The following RORA variants were observed in gnomAD, a reference collection of about 807,000 sequenced individuals.
RORA encodes the protein nuclear receptor ROR-alpha.
RORA carries 7 observed loss-of-function variants against 69.5 expected under a neutral mutation model. The ratio of observed to expected loss-of-function variants is 0.10; its 90% CI spans 0.06 to 0.19. The LOEUF is 0.19. RORA is among the 10% of genes least tolerant of loss of function. The pLI, the probability that RORA is intolerant of heterozygous loss-of-function variation, is 1.00. For synonymous variants in RORA, 261 were observed against 240.8 expected, an observed-to-expected ratio of 1.08 and a Z score of -0.78; for missense variants, 457 against 663.0, an observed-to-expected ratio of 0.69 and a Z score of 3.41.
chr15:61,097,011 G>C (rs940574469), intron 1 of RORA, among the ~76,000 whole-genome samples: 1 of 152,212 alleles, frequency 6.6e-6, no homozygotes, highest in African/African-American at 2.4e-5. Context: ...AGTAACACAA[G>C]GTCTTGGCAT....
chr15:60,788,945 T>C (rs1445681290), intron 1 of RORA, among the ~76,000 whole-genome samples: 3 of 152,238 alleles, frequency 2.0e-5, no homozygotes, highest in East Asian at 1.9e-4. Flanking sequence ...CAAAGCTATC[T>C]ATGCTTGGTT....
chr15:60,511,941 A>C lies in RORA; in HGVS notation c.425-320T>G. 1 of 272,264 alleles carries C rather than the reference A, an allele frequency of 3.7e-6. No individual in the cohort carries two copies. The highest frequency in any genetic ancestry group is 7.0e-6 in the Non-Finnish European group (1 of 142,480). 16.9% of individuals were successfully genotyped at this position (272,264 alleles called of 1,614,324 possible). ...TCCACTGCGCCCCACTGATAACTTA[A>C]TGGGCTTGTTCACTCTCCCCCCGTG... On this transcript the variant is annotated intron_variant, in intron 4 of 10. Transcript: ENST00000335670. The surrounding 1 kb of genome is among the most constrained non-coding windows in gnomAD (Gnocchi z 6.4).
chr15:60,860,370 G>A (rs763473705), intron 1 of RORA, among the ~76,000 whole-genome samples: 2 of 152,120 alleles, frequency 1.3e-5, no homozygotes, highest in Admixed American at 1.3e-4. Flanking sequence ...CAAAAGTTGC[G>A]AGAAACTTGA....
At chr15:60,939,361 A>G (rs1034090384) in intron 1 of RORA, among the ~76,000 whole-genome samples, 1 of 152,072 alleles carries the variant, frequency 6.6e-6, no homozygotes, top group Admixed American at 6.5e-5. Flanking sequence ...GCTGGAGAGG[A>G]GGGGCATGCA....
At chr15:60,696,255 C>T (rs368581254) in intron 1 of RORA, among the ~76,000 whole-genome samples, 2 of 152,242 alleles carry the variant, frequency 1.3e-5, no homozygotes, top group East Asian at 3.9e-4. Context: ...CAAGTACAGC[C>T]ACGGAGCCGA....
At chr15:60,736,484 G>A (rs534094254) in intron 1 of RORA, among the ~76,000 whole-genome samples, 2 of 152,260 alleles carry the variant, frequency 1.3e-5, no homozygotes, top group South Asian at 4.1e-4. Context: ...TTTTGGCCTT[G>A]TCCTCTCAGT....
intron 2 of RORA, among the ~76,000 whole-genome samples, chr15:60,624,024 A>G (rs1160461592): frequency 1.4e-5 from 2 of 140,306 alleles, no homozygotes; most frequent in East Asian, 5.1e-4. Flanking sequence ...GCAGGTGGAG[A>G]GTAGGGGGTG....
intron 2 of RORA, among the ~76,000 whole-genome samples, chr15:60,619,398 A>T (rs2069344195): frequency 6.6e-6 from 1 of 152,220 alleles, no homozygotes; most frequent in Non-Finnish European, 1.5e-5. Flanking sequence ...TGGGGCTACA[A>T]ATATGGCAAC....
At chr15:60,632,573 G>A (rs1275216051) in intron 2 of RORA, among the ~76,000 whole-genome samples, 1 of 152,106 alleles carries the variant, frequency 6.6e-6, no homozygotes, top group Non-Finnish European at 1.5e-5. Context: ...CATCGACACT[G>A]AGTCCATTAA....
intron 1 of RORA, among the ~76,000 whole-genome samples, chr15:60,735,529 A>G (rs1456503009): frequency 1.3e-5 from 2 of 152,026 alleles, no homozygotes; most frequent in African/African-American, 4.8e-5. Flanking sequence ...TGCGCTGCTG[A>G]GAGCCTACCA....
At chr15:60,522,162 G>T (rs1319529048) in intron 3 of RORA, among the ~76,000 whole-genome samples, 1 of 152,118 alleles carries the variant, frequency 6.6e-6, no homozygotes, top group African/African-American at 2.4e-5. Context: ...ATGCATTCCT[G>T]ACATAAAAAA....
rs150927403 is a variant in RORA, at chr15:61,219,312, T to C, written c.166+9741A>G. Among the ~76,000 whole-genome samples the C allele has an allele frequency of 9.2e-3, 1,395 of 152,336 alleles. 16 individuals are homozygous for C. Among genetic ancestry groups the C allele is most frequent in the African/African-American group, 0.031 (1,308 of 41,582 alleles). Reference sequence around the variant, plus strand: ...TCATTAGGCTGGGTGTGGTGGCTCATGCCTGTAATCCCAGCACTTTGGGAG... The same window carrying C: ...TCATTAGGCTGGGTGTGGTGGCTCACGCCTGTAATCCCAGCACTTTGGGAG... On this transcript the variant is annotated intron_variant, in intron 1 of 10. Transcript: ENST00000335670.
chr15:60,771,465 C>G (rs893013974), intron 1 of RORA, among the ~76,000 whole-genome samples: 1 of 152,136 alleles, frequency 6.6e-6, no homozygotes, highest in Non-Finnish European at 1.5e-5. Context: ...AGTGACCTTG[C>G]CTTATGTTTC....
At chr15:61,181,220 G>A (rs1216799916) in intron 1 of RORA, 4 of 152,030 alleles carry the variant, frequency 2.6e-5, no homozygotes, top group Non-Finnish European at 5.9e-5. Flanking sequence ...ATATGTTTCC[G>A]GCCCAGTCAG....
intron 1 of RORA, among the ~76,000 whole-genome samples, chr15:60,933,329 CCA>C (rs749088192): frequency 2.2e-4 from 33 of 152,206 alleles, no homozygotes; most frequent in Admixed American, 1.3e-4. Context: ...GCAAATTGGA[CCA>C]CTCACTCTCC....
intron 2 of RORA, chr15:60,630,423 C>T (rs1466040101): frequency 6.6e-6 from 1 of 152,196 alleles, no homozygotes; most frequent in African/African-American, 2.4e-5. Context: ...CTGAACTCTG[C>T]TATTTTTCAT....
chr15:61,067,404 T>G (rs1228345878), intron 1 of RORA, among the ~76,000 whole-genome samples: 1 of 152,134 alleles, frequency 6.6e-6, no homozygotes, highest in East Asian at 1.9e-4. Context: ...GTACCTGGCC[T>G]AAACTTTTAA....
intron 1 of RORA, among the ~76,000 whole-genome samples, chr15:60,854,704 T>C (rs1212549456): frequency 2.6e-5 from 4 of 152,212 alleles, no homozygotes; most frequent in African/African-American, 9.7e-5. Context: ...TAAAAGTCAC[T>C]GGAATATTAG....
At chr15:61,132,764 G>A (rs1350855383) in intron 1 of RORA, among the ~76,000 whole-genome samples, 1 of 152,162 alleles carries the variant, frequency 6.6e-6, no homozygotes, top group Non-Finnish European at 1.5e-5. Flanking sequence ...CTATAAATAA[G>A]GTTAAACTAT....
Sources: gnomAD v4.1 joint callset for allele counts (sites outside exome capture counted in the v4.1 genomes callset) on GRCh38, gnomAD v4.1.1 for gene constraint, Gnocchi (gnomAD v3.1) non-coding constraint, MANE v1.5 for transcripts, NCBI Gene and HGNC (gene_info 2026-07-23, HGNC 2026-07-21) for gene names.